WNT2: variants seen among roughly 807,000 people sequenced by gnomAD.
WNT2 encodes the protein Wnt family member 2.
WNT2 carries 12 observed loss-of-function variants against 36.9 expected under a neutral mutation model. The ratio of observed to expected loss-of-function variants is 0.33; its 90% CI spans 0.21 to 0.53. WNT2 has a LOEUF of 0.53. Among genes scored for constraint, WNT2 ranks in the 20% least tolerant of loss-of-function variants. The pLI is 0.95. For synonymous variants in WNT2, 163 were observed against 174.6 expected (o/e 0.93, Z 0.52); for missense variants, 379 against 473.1 (o/e 0.80, Z 1.84).
In WNT2 at chr7:117,322,954, G is replaced by A; in HGVS notation, c.36C>T (p.Leu12=). The change falls in exon 1 of 5, where the codon CTC becomes CTT. Residue 12 remains leucine (L), a synonymous_variant. Transcript: ENST00000265441. The surrounding 1 kb of genome is among the most constrained non-coding windows in gnomAD (Gnocchi z 5.4). The part of the protein sequence containing the change: ...NAPLGGIWLW[L]PLLLTWLTPE... ...GGGTGAGCCAGGTCAAGAGCAGAGG[G>A]AGCCAGAGCCAGATTCCACCGAGAG... The A allele has an allele frequency of 6.2e-7, 1 of 1,612,534 alleles. No individual in the cohort carries two copies. Among genetic ancestry groups the A allele is most frequent in the Non-Finnish European group, 8.5e-7 (1 of 1,179,494 alleles).
At chr7:117,282,867 C>T (rs1794513898) in intron 4 of WNT2, among the ~76,000 whole-genome samples, 3 of 152,008 alleles carry the variant, frequency 2.0e-5, no homozygotes, top group African/African-American at 7.3e-5. Context: ...ACATGAGTGG[C>T]CTGGATTAAG....
At chr7:117,282,546 G>A (rs537185996) in intron 4 of WNT2, among the ~76,000 whole-genome samples, 15 of 152,188 alleles carry the variant, frequency 9.9e-5, no homozygotes, top group Admixed American at 2.0e-4. Context: ...CCAAGGCCAG[G>A]AAATGAGCAA....
chr7:117,286,600 A>G (rs1009264319), intron 4 of WNT2, among the ~76,000 whole-genome samples: 3 of 152,202 alleles, frequency 2.0e-5, no homozygotes, highest in Admixed American at 6.5e-5. Context: ...TAAGCCTGTC[A>G]TCCAATAGGC....
At chr7:117,286,791 C>CAATATCTTCACTTA (rs869028157) in intron 4 of WNT2, among the ~76,000 whole-genome samples, 1 of 65,930 alleles carries the variant, frequency 1.5e-5, no homozygotes, top group Non-Finnish European at 3.9e-5. Context: ...CTTCACTTAT[C>CAATATCTTCACTTA]TCAGATGATT....
chr7:117,278,553 C>T (rs1794424503), intron 4 of WNT2, among the ~76,000 whole-genome samples, 169 bp from the exon 5 acceptor site: 1 of 152,240 alleles, frequency 6.6e-6, no homozygotes, highest in Non-Finnish European at 1.5e-5. Context: ...GTGCAAATCC[C>T]ATTATGCCAG....
intron 4 of WNT2, among the ~76,000 whole-genome samples, chr7:117,282,445 AAG>A (rs1424364165): frequency 4.0e-5 from 6 of 150,116 alleles, no homozygotes; most frequent in Non-Finnish European, 5.9e-5. Flanking sequence ...GAAGAGGAGA[AAG>A]AGGAGGAGAG....
chr7:117,285,603 A>G (rs1778155481), intron 4 of WNT2, among the ~76,000 whole-genome samples: 1 of 152,232 alleles, frequency 6.6e-6, no homozygotes, highest in Admixed American at 6.5e-5. Flanking sequence ...GCTGGCTCTT[A>G]AAAATACTCC....
rs749398878 is a variant in WNT2, at chr7:117,315,309, G to C, written c.350C>G (p.Ala117Gly). 1.9e-6 allele frequency: 3 copies of C among 1,614,142 alleles called. No homozygotes were observed. The highest frequency in any genetic ancestry group is 2.5e-6 in the Non-Finnish European group (3 of 1,179,994). The change falls in exon 3 of 5, where the codon GCT becomes GGT. Residue 117 changes from alanine (A) to glycine (G), a missense_variant. Physicochemically the swap from Ala to Gly is moderately conservative, Grantham distance 60. Transcript: ENST00000265441. The part of the protein sequence containing the change: ...ESAFVYAISS[A>G]GVVFAITRAC... ...CCTGGTGATGGCAAATACAACTCCA[G>C]CTGAGGAGATGGCATAAACAAAGGC...
chr7:117,282,102 T>C (rs757634182), intron 4 of WNT2, among the ~76,000 whole-genome samples: 29 of 152,218 alleles, frequency 1.9e-4, no homozygotes, highest in Non-Finnish European at 3.4e-4. Flanking sequence ...TAGGTTTTCA[T>C]GTACCTAAAG....
intron 4 of WNT2, among the ~76,000 whole-genome samples, chr7:117,280,939 T>C (rs1303269671): frequency 6.6e-6 from 1 of 152,202 alleles, no homozygotes; most frequent in East Asian, 1.9e-4. Flanking sequence ...CTCAGGAGCT[T>C]ATGTTCTAAG....
intron 4 of WNT2, among the ~76,000 whole-genome samples, chr7:117,280,677 C>T (rs1262116063): frequency 6.6e-6 from 1 of 152,164 alleles, no homozygotes; most frequent in East Asian, 1.9e-4. Flanking sequence ...TGGCCTTGGG[C>T]AAGTTACTTA....
intron 4 of WNT2, among the ~76,000 whole-genome samples, chr7:117,289,861 G>C (rs1405556298): frequency 1.3e-5 from 2 of 152,162 alleles, no homozygotes; most frequent in African/African-American, 2.4e-5. Context: ...AGTAAGGATG[G>C]AGAAGCAGAT....
chr7:117,311,599 G>A (rs78575691), intron 3 of WNT2, among the ~76,000 whole-genome samples: 2,075 of 152,242 alleles, frequency 0.014, 47 homozygotes, highest in African/African-American at 0.047. Context: ...AATACTATAT[G>A]CTTGGTTTTA....
intron 4 of WNT2, among the ~76,000 whole-genome samples, chr7:117,286,553 C>T (rs1039624980): frequency 1.3e-5 from 2 of 152,096 alleles, no homozygotes; most frequent in Non-Finnish European, 2.9e-5. Flanking sequence ...GACAGAGGCC[C>T]ATATGTTGAC....
Position 117,276,425 on chromosome 7 carries a change from A to G in WNT2, c.*1730T>C, listed in dbSNP as rs1350340250. On this transcript the variant is annotated 3_prime_UTR_variant, in exon 5 of 5. Coordinates refer to ENST00000265441, the MANE Select transcript of WNT2 (RefSeq NM_003391.3). The stretch of plus-strand genomic sequence containing the variant: ...TCATTCCACTGTTCCCACCATCCGA[A>G]TCCATAGAATAAAAGGAGGAAAGAG... 1.3e-5 allele frequency among the ~76,000 whole-genome samples: 2 copies of G among 152,226 alleles called. No individual in the cohort carries two copies. Among genetic ancestry groups the G allele is most frequent in the Admixed American group, 6.5e-5 (1 of 15,284 alleles).
At position 117,305,326 on chromosome 7, in the gene WNT2, C is replaced by T. The variant is rs557425253; in HGVS notation, c.589-7450G>A. ...TGAGAGGTTTATTTGGCTTTCTCTT[C>T]CAAATTCTTTCTTTTTCTCTAATCG... On this transcript the variant is annotated intron_variant, in intron 3 of 4. Coordinates refer to ENST00000265441, the MANE Select transcript of WNT2 (RefSeq NM_003391.3). Among the ~76,000 whole-genome samples, 5 of 152,218 alleles carry T rather than the reference C, an allele frequency of 3.3e-5. No individual in the cohort carries two copies. The South Asian group carries it at 1.0e-3, about 32-fold the overall frequency.
At chr7:117,310,582 CAAAAAAAAA>C in intron 3 of WNT2, among the ~76,000 whole-genome samples, 1 of 55,074 alleles carries the variant, frequency 1.8e-5, no homozygotes, top group African/African-American at 7.2e-5. Context: ...GACCCTGTCT[CAAAAAAAAA>C]AAAAAAAAAA....
chr7:117,316,516 T>C lies in WNT2; in HGVS notation c.311-1168A>G, dbSNP rs371400751. On this transcript the variant is annotated intron_variant, in intron 2 of 4. Transcript: ENST00000265441. ...TTCAATATGTCAAGAGGAGTGTGACTTTTTGAACCACACAGCTGGGAGAGC... is the reference window on the plus strand; with the variant it reads ...TTCAATATGTCAAGAGGAGTGTGACCTTTTGAACCACACAGCTGGGAGAGC... 9.2e-5 allele frequency among the ~76,000 whole-genome samples: 14 copies of C among 152,362 alleles called. No individual in the cohort carries two copies. The South Asian group carries it at 1.0e-3, about 11-fold the overall frequency.
At chr7:117,298,261 A>T (rs535302854) in intron 3 of WNT2, among the ~76,000 whole-genome samples, 1 of 152,368 alleles carries the variant, frequency 6.6e-6, no homozygotes, top group South Asian at 2.1e-4. Flanking sequence ...AGTTTAAAAT[A>T]AAATAATATA....
Sources: allele counts gnomAD v4.1 joint callset (sites outside exome capture counted in the v4.1 genomes callset), GRCh38; gene constraint gnomAD v4.1.1; non-coding constraint Gnocchi (gnomAD v3.1); transcripts MANE v1.5; gene names NCBI Gene and HGNC (gene_info 2026-07-23, HGNC 2026-07-21).